The following ARNT variants were observed in gnomAD, a reference collection of about 807,000 sequenced individuals.
ARNT encodes aryl hydrocarbon receptor nuclear translocator.
In ARNT, 30 loss-of-function variants were observed where a neutral mutation model predicts 105.0. The ratio of observed to expected loss-of-function variants is 0.29; its 90% CI spans 0.21 to 0.39. The LOEUF is 0.39. Among genes scored for constraint, ARNT ranks in the 10% least tolerant of loss-of-function variants. The probability of loss-of-function intolerance (pLI) is 1.00; values close to 1 mark genes in which losing one functional copy is unlikely to be tolerated. For synonymous variants in ARNT, 304 were observed against 344.0 expected (o/e 0.88, Z 1.29); for missense variants, 748 against 978.7 (o/e 0.76, Z 3.15).
At chr1:150,861,338 A>T (rs752428543) in intron 1 of ARNT, 2 of 393,666 alleles carry the variant, frequency 5.1e-6, no homozygotes, top group East Asian at 1.6e-4. Flanking sequence ...GCAAAAAAAA[A>T]ATTAAATTAA....
intron 14 of ARNT, 181 bp from the exon 15 acceptor site, chr1:150,818,211 A>C: frequency 1.9e-6 from 1 of 513,150 alleles, no homozygotes; most frequent in Non-Finnish European, 3.4e-6. Flanking sequence ...AGTTTCAGCA[A>C]ACAGAAACCA....
At chr1:150,873,036 G>C (rs1557979125) in intron 1 of ARNT, among the ~76,000 whole-genome samples, 1 of 151,950 alleles carries the variant, frequency 6.6e-6, no homozygotes, top group Non-Finnish European at 1.5e-5. Flanking sequence ...TGTAATCCCA[G>C]CACTTTGGGA....
chr1:150,829,460 G>T, intron 11 of ARNT: 1 of 601,514 alleles, frequency 1.7e-6, no homozygotes, highest in Non-Finnish European at 3.0e-6. Context: ...TAAGAATAAA[G>T]TTTATTCAAT....
intron 4 of ARNT, 146 bp from the exon 5 acceptor site, chr1:150,842,614 A>G: frequency 1.6e-6 from 1 of 631,696 alleles, no homozygotes; most frequent in East Asian, 2.9e-5. Context: ...AGAGAAAAGG[A>G]TATAGAACTA....
At chr1:150,846,876 CTTTTTG>C (rs1662315679) in intron 3 of ARNT, among the ~76,000 whole-genome samples, 1 of 152,122 alleles carries the variant, frequency 6.6e-6, no homozygotes, top group Admixed American at 6.5e-5. Context: ...CAGTAATTGT[CTTTTTG>C]TTATTGGCTT....
chr1:150,832,698 C>G (rs764940535), intron 8 of ARNT, among the ~76,000 whole-genome samples: 2 of 152,108 alleles, frequency 1.3e-5, no homozygotes, highest in African/African-American at 2.4e-5. Context: ...AAGTCTGTTG[C>G]AACTAGTCAA....
chr1:150,855,038 C>A (rs1419718547), intron 2 of ARNT, among the ~76,000 whole-genome samples: 1 of 152,030 alleles, frequency 6.6e-6, no homozygotes, highest in Admixed American at 6.6e-5. Flanking sequence ...TCAAGTAATC[C>A]TCCTACCTCA....
intron 8 of ARNT, among the ~76,000 whole-genome samples, chr1:150,834,070 AT>A (rs946380036): frequency 6.6e-5 from 10 of 151,228 alleles, no homozygotes; most frequent in Non-Finnish European, 1.2e-4. Flanking sequence ...AGTGGCTGGG[AT>A]TATGGGCGCA....
chr1:150,848,054 A>G (rs1197434932), intron 3 of ARNT, among the ~76,000 whole-genome samples: 2 of 152,234 alleles, frequency 1.3e-5, no homozygotes, highest in Non-Finnish European at 2.9e-5. Context: ...CCTTTGTGTA[A>G]AAAAAACTGA....
chr1:150,845,571 G>A (rs587737663), intron 4 of ARNT, among the ~76,000 whole-genome samples: 23 of 151,660 alleles, frequency 1.5e-4, no homozygotes, highest in Admixed American at 1.4e-3. Context: ...TTACACCACT[G>A]TACTACAGCA....
intron 21 of ARNT, 43 bp from the exon 22 acceptor site, chr1:150,812,153 CT>C: frequency 7.1e-7 from 1 of 1,413,618 alleles, no homozygotes; most frequent in Non-Finnish European, 9.5e-7. Flanking sequence ...ACACCTTGAT[CT>C]CTTACACTTA....
At chr1:150,875,677 G>A (rs587704323) in intron 1 of ARNT, among the ~76,000 whole-genome samples, 3 of 152,308 alleles carry the variant, frequency 2.0e-5, no homozygotes, top group Admixed American at 2.0e-4. Context: ...GCTGGGACTA[G>A]TAATTTGAAG....
rs1366613984 is a variant in ARNT at position 150,811,630 on chromosome 1, T to G, written c.*391A>C. ...AAATATGAGGACATTTCTCCTCTCC[T>G]CCACTCTCTTCAGAATTTCTTTCCA... On this transcript the variant is annotated 3_prime_UTR_variant, in exon 22 of 22. Transcript: ENST00000358595. 8.5e-6 allele frequency: 2 copies of G among 235,020 alleles called. No individual in the cohort carries two copies. Among genetic ancestry groups the G allele is most frequent in the African/African-American group, 4.4e-5 (2 of 45,404 alleles). The allele number at this position is 235,020 out of a possible 1,614,324, so 14.6% of individuals were successfully genotyped here. A position where few individuals can be genotyped will look rare whatever the true frequency, so the allele number is the denominator to read the frequency against.
chr1:150,847,100 A>C (rs1662363493), intron 3 of ARNT, among the ~76,000 whole-genome samples: 1 of 152,170 alleles, frequency 6.6e-6, no homozygotes, highest in Admixed American at 6.6e-5. Flanking sequence ...TCTCTTCAAG[A>C]TTCTGCCTTC....
intron 1 of ARNT, among the ~76,000 whole-genome samples, chr1:150,862,042 C>A (rs933851149): frequency 1.3e-5 from 2 of 152,058 alleles, no homozygotes; most frequent in African/African-American, 4.8e-5. Flanking sequence ...AAGCCATAAC[C>A]CCACCATAAG....
chr1:150,822,313 G>A (rs1422853343), intron 14 of ARNT, among the ~76,000 whole-genome samples: 1 of 152,094 alleles, frequency 6.6e-6, no homozygotes, highest in Non-Finnish European at 1.5e-5. Context: ...GCAACCCCTA[G>A]GTAGCTTCAA....
At chr1:150,849,616 A>G (rs2102117870) in intron 3 of ARNT, among the ~76,000 whole-genome samples, 1 of 152,202 alleles carries the variant, frequency 6.6e-6, no homozygotes, top group East Asian at 1.9e-4. Flanking sequence ...TTTTAAAATT[A>G]GCCAGGTATT....
chr1:150,825,021 C>A (rs986425895), intron 13 of ARNT, among the ~76,000 whole-genome samples: 4 of 151,898 alleles, frequency 2.6e-5, no homozygotes, highest in Admixed American at 6.6e-5. Context: ...GCCACCATAC[C>A]CGGCTAATTT....
Position 150,864,519 on chromosome 1 carries a change from A to G in ARNT, c.26-6059T>C, listed in dbSNP as rs1571496770. On this transcript the variant is annotated intron_variant, in intron 1 of 21. Coordinates refer to ENST00000358595, the MANE Select transcript of ARNT (RefSeq NM_001668.4). The stretch of plus-strand genomic sequence containing the variant: ...CAGTAAACTATCGCAAGATCAAAAA[A>G]CCAAACACCGCATATTCTCACTCAT... 2.0e-5 allele frequency among the ~76,000 whole-genome samples: 3 copies of G among 149,458 alleles called. No homozygotes were observed. In the East Asian group the frequency reaches 6.0e-4, roughly 30 times the overall value.
Sources: allele counts gnomAD v4.1 joint callset (sites outside exome capture counted in the v4.1 genomes callset), GRCh38; gene constraint gnomAD v4.1.1; transcripts MANE v1.5; gene names NCBI Gene and HGNC (gene_info 2026-07-23, HGNC 2026-07-21).